The following NRCAM variants were observed in gnomAD, a reference collection of about 807,000 sequenced individuals.
NRCAM encodes the protein neuronal cell adhesion molecule.
A neutral mutation model predicts 156.5 loss-of-function variants in NRCAM; 83 were observed. That is an observed-to-expected ratio of 0.53 (90% CI 0.44 to 0.64). The LOEUF is 0.64. Among genes scored for constraint, NRCAM ranks in the 30% least tolerant of loss-of-function variants. The probability of loss-of-function intolerance (pLI) is 0.00; values close to 1 mark genes in which losing one functional copy is unlikely to be tolerated. For missense variants in NRCAM, 1,417 were observed against 1,597.3 expected, an observed-to-expected ratio of 0.89 and a Z score of 1.92; for synonymous variants, 538 against 563.9, an observed-to-expected ratio of 0.95 and a Z score of 0.65.
chr7:108,297,854 A>G (rs73416359), intron 3 of NRCAM, among the ~76,000 whole-genome samples: 1,549 of 152,344 alleles, frequency 0.01, 27 homozygotes, highest in African/African-American at 0.034. Context: ...GGTTCAGGAA[A>G]TAACTCACCA....
chr7:108,234,711 T>A (rs371006195), intron 5 of NRCAM, 23 bp from the exon 6 acceptor site: 11 of 1,457,462 alleles, frequency 7.5e-6, no homozygotes, highest in East Asian at 2.3e-5. Context: ...AAAAAAAAAA[T>A]GTAAAAAAAC....
At position 108,182,894 on chromosome 7, in the gene NRCAM, C is replaced by A. The variant is rs748944620; in HGVS notation, c.2331G>T (p.Gly777=). The change falls in exon 23 of 33, where the codon GGG becomes GGT. Residue 777 remains glycine, a synonymous_variant. Coordinates refer to ENST00000379028, the MANE Select transcript of NRCAM (RefSeq NM_001037132.4). The part of the protein sequence containing the change: ...WKPLNGFESN[G]PGLQYKVSWR... ...AGCTAACTTTGTACTGAAGGCCTGG[C>A]CCATTAGATTCGAAACCATTCAAGG... The A allele has an allele frequency of 6.2e-7, 1 of 1,614,204 alleles. No homozygotes were observed. The highest frequency in any genetic ancestry group is 1.1e-5 in the South Asian group (1 of 91,082).
At chr7:108,176,339 C>T (rs901900648) in intron 27 of NRCAM, 91 bp downstream of exon 27, 28 of 1,123,418 alleles carry the variant, frequency 2.5e-5, no homozygotes, top group East Asian at 1.2e-4. Flanking sequence ...GTAAGACAGA[C>T]GTTCCATAGC....
At chr7:108,438,287 C>T (rs978925515) in intron 1 of NRCAM, among the ~76,000 whole-genome samples, 4 of 151,926 alleles carry the variant, frequency 2.6e-5, no homozygotes, top group Admixed American at 6.6e-5. Context: ...AAAATATTAA[C>T]GATCTGAATT....
At chr7:108,151,084 T>G (rs535953712) in intron 32 of NRCAM, among the ~76,000 whole-genome samples, 12 of 152,206 alleles carry the variant, frequency 7.9e-5, no homozygotes, top group Non-Finnish European at 1.6e-4. Flanking sequence ...CAATTTTTGC[T>G]TATTTCTCTG....
Position 108,243,745 on chromosome 7 carries a change from T to C in NRCAM, c.-106-3575A>G, listed in dbSNP as rs1216249765. 2.0e-5 allele frequency among the ~76,000 whole-genome samples: 3 copies of C among 152,320 alleles called. No homozygotes were observed. In the East Asian group the frequency reaches 5.8e-4, roughly 29 times the overall value. On this transcript the variant is annotated intron_variant, in intron 3 of 32. Transcript: ENST00000379028. ...AAATCACACATATTGCTAAAAGGACTGAGAGTAATGATAAAGAGCAAAGCC... is the reference window on the plus strand; with the variant it reads ...AAATCACACATATTGCTAAAAGGACCGAGAGTAATGATAAAGAGCAAAGCC...
chr7:108,166,486 G>A (rs1166982726), intron 30 of NRCAM, among the ~76,000 whole-genome samples: 1 of 151,982 alleles, frequency 6.6e-6, no homozygotes, highest in Non-Finnish European at 1.5e-5. Flanking sequence ...GACCTCAGGT[G>A]ATCCGCCTGC....
At chr7:108,158,487 C>A (rs575976636) in intron 32 of NRCAM, among the ~76,000 whole-genome samples, 2 of 152,062 alleles carry the variant, frequency 1.3e-5, no homozygotes, top group South Asian at 2.1e-4. Context: ...CATGGAAAAA[C>A]CAAAAATGAG....
intron 3 of NRCAM, among the ~76,000 whole-genome samples, chr7:108,293,847 G>C (rs1213316960): frequency 6.6e-6 from 1 of 152,156 alleles, no homozygotes; most frequent in Non-Finnish European, 1.5e-5. Context: ...GTTAGATACC[G>C]GCTTGATTTC....
intron 2 of NRCAM, among the ~76,000 whole-genome samples, chr7:108,368,239 C>CCCCT (rs1159722394): frequency 7.6e-6 from 1 of 131,716 alleles, no homozygotes; most frequent in Non-Finnish European, 1.6e-5. Flanking sequence ...CCCCCACCCC[C>CCCCT]CCGCCTGCTC....
chr7:108,418,141 C>G (rs1191144362), intron 1 of NRCAM, among the ~76,000 whole-genome samples: 21 of 152,126 alleles, frequency 1.4e-4, no homozygotes, highest in Non-Finnish European at 1.3e-4. Context: ...TGTGGTCACT[C>G]AATTCCTTGA....
intron 2 of NRCAM, among the ~76,000 whole-genome samples, chr7:108,372,019 C>T (rs897500837): frequency 2.6e-5 from 4 of 152,044 alleles, no homozygotes; most frequent in African/African-American, 9.7e-5. Context: ...TAAAGAAATA[C>T]ATATAGGCCA....
In NRCAM at chr7:108,436,731, ACTAC is replaced by A. The variant is rs150393435; in HGVS notation, c.-332+19508_-332+19511del. Among the ~76,000 whole-genome samples the A allele has an allele frequency of 9.8e-3, 1,500 of 152,356 alleles. 19 individuals carry two copies. Among genetic ancestry groups the A allele is most frequent in the African/African-American group, 0.034 (1,407 of 41,582 alleles). On this transcript the variant is annotated intron_variant, in intron 1 of 32. Coordinates refer to ENST00000379028, the MANE Select transcript of NRCAM (RefSeq NM_001037132.4). ...AAAAGAAAGCAGCAAGAAAAAAATGACTACCTACAGTGAAATGACAATCCAAATA... is the reference window on the plus strand; with the variant it reads ...AAAAGAAAGCAGCAAGAAAAAAATGACTACAGTGAAATGACAATCCAAATA...
intron 1 of NRCAM, among the ~76,000 whole-genome samples, chr7:108,404,797 A>T (rs1322772192): frequency 6.6e-6 from 1 of 152,208 alleles, no homozygotes; most frequent in Non-Finnish European, 1.5e-5. Flanking sequence ...GAAAGTGATA[A>T]ACACAATGAG....
At chr7:108,428,942 CT>C (rs769008394) in intron 1 of NRCAM, among the ~76,000 whole-genome samples, 1 of 145,590 alleles carries the variant, frequency 6.9e-6, no homozygotes, top group Non-Finnish European at 1.5e-5. Context: ...ATTTTCTTTT[CT>C]TTTCTTCTTT....
intron 3 of NRCAM, among the ~76,000 whole-genome samples, chr7:108,280,672 G>A (rs995406225): frequency 1.1e-4 from 16 of 152,178 alleles, no homozygotes; most frequent in African/African-American, 3.9e-4. Flanking sequence ...ATTTTTAACT[G>A]GACTGGGGGA....
At chr7:108,325,047 C>T (rs968086381) in intron 2 of NRCAM, among the ~76,000 whole-genome samples, 3 of 151,966 alleles carry the variant, frequency 2.0e-5, no homozygotes, top group Admixed American at 6.6e-5. Flanking sequence ...CATTATTCCT[C>T]GTTCTCTAGA....
At chr7:108,347,616 C>A (rs1247249493) in intron 2 of NRCAM, among the ~76,000 whole-genome samples, 2 of 152,176 alleles carry the variant, frequency 1.3e-5, no homozygotes, top group African/African-American at 4.8e-5. Flanking sequence ...GTATATATTC[C>A]TTAACTAATA....
At chr7:108,396,727 A>T (rs577652717) in intron 2 of NRCAM, among the ~76,000 whole-genome samples, 2 of 152,318 alleles carry the variant, frequency 1.3e-5, no homozygotes, top group East Asian at 3.9e-4. Flanking sequence ...ATGTATAATC[A>T]TTATGTATGA....
Sources: allele counts gnomAD v4.1 joint callset (sites outside exome capture counted in the v4.1 genomes callset), GRCh38; gene constraint gnomAD v4.1.1; transcripts MANE v1.5; gene names NCBI Gene and HGNC (gene_info 2026-07-23, HGNC 2026-07-21).